The following HECTD4 variants were observed in gnomAD, a reference collection of about 807,000 sequenced individuals.
The protein encoded by HECTD4 is probable E3 ubiquitin-protein ligase HECTD4.
In HECTD4, 114 loss-of-function variants were observed where a neutral mutation model predicts 471.5. The observed-to-expected ratio is 0.24, with a 90% CI of 0.21 to 0.28. HECTD4 has a LOEUF of 0.28. Ranked by LOEUF, HECTD4 falls within the 10% of genes least tolerant of loss-of-function variation. The probability of loss-of-function intolerance (pLI) is 1.00; values close to 1 mark genes in which losing one functional copy is unlikely to be tolerated. For missense variants in HECTD4, 3,866 were observed against 5,651.5 expected (o/e 0.68, Z 10.13); for synonymous variants, 2,012 against 2,256.0 (o/e 0.89, Z 3.07).
intron 7 of HECTD4, among the ~76,000 whole-genome samples, chr12:112,286,054 G>A (rs2034746264): frequency 6.6e-6 from 1 of 152,090 alleles, no homozygotes; most frequent in African/African-American, 2.4e-5. Context: ...CTATATTATT[G>A]TATTTGAGTA....
rs1311283224 is a variant in HECTD4, at chr12:112,162,264, T to C, written c.*123A>G. ...GAGGCCCTGGAATGTGGACGAAAGT[T>C]TGGAAAAGCAAAATGTTGCCAACTC... On this transcript the variant is annotated 3_prime_UTR_variant, in exon 76 of 76. Coordinates refer to ENST00000682272, the MANE Select transcript of HECTD4 (RefSeq NM_001388303.1). This position sits in a 1 kb window ranked among gnomAD's most constrained non-coding sequence, Gnocchi z 5.2. The C allele has an allele frequency of 4.3e-6, 5 of 1,167,940 alleles. No homozygotes were observed. In the East Asian group the frequency reaches 1.2e-4, roughly 28 times the overall value. 72.3% of individuals were successfully genotyped at this position (1,167,940 alleles called of 1,614,324 possible).
Position 112,382,278 on chromosome 12 carries a change from G to A in HECTD4, c.-150C>T. ...CCTCGCCCGTGCAACTCCGCCCTAGGCGGTCCGAGTCGCCATACCCCCGAC... is the reference window on the plus strand; with the variant it reads ...CCTCGCCCGTGCAACTCCGCCCTAGACGGTCCGAGTCGCCATACCCCCGAC... On this transcript the variant is annotated 5_prime_UTR_variant, in exon 1 of 76. Transcript: ENST00000682272. 1.5e-6 allele frequency: 1 copy of A among 663,104 alleles called. No individual in the cohort carries two copies. Among genetic ancestry groups the A allele is most frequent in the Non-Finnish European group, 2.1e-6 (1 of 478,702 alleles). The allele number at this position is 663,104 out of a possible 1,614,324, so 41.1% of individuals were successfully genotyped here.
chr12:112,206,389 G>A (rs1484184307), intron 52 of HECTD4, among the ~76,000 whole-genome samples: 1 of 152,042 alleles, frequency 6.6e-6, no homozygotes, highest in Non-Finnish European at 1.5e-5. Context: ...CAGGTACTCG[G>A]GAAGCTGAAG....
rs1339941379 is a variant in HECTD4 at position 112,223,391 on chromosome 12, C to T, written c.6970+3252G>A. On this transcript the variant is annotated intron_variant, in intron 44 of 75. Transcript: ENST00000682272. ...CCTCTGCTGTTTCAACCAAGGGATC[C>T]AGTTAATGTCTCAGGAATATTTCTT... Among the ~76,000 whole-genome samples the T allele has an allele frequency of 6.6e-5, 10 of 152,208 alleles. No homozygotes were observed. The East Asian group carries it at 1.7e-3, about 26-fold the overall frequency.
At chr12:112,290,641 A>G (rs1460296252) in intron 7 of HECTD4, among the ~76,000 whole-genome samples, 1 of 151,790 alleles carries the variant, frequency 6.6e-6, no homozygotes, top group Non-Finnish European at 1.5e-5. Context: ...TGAGGTCGGA[A>G]GTTTGAGACC....
intron 14 of HECTD4, 54 bp from the exon 15 acceptor site, chr12:112,266,037 G>T: frequency 8.0e-7 from 1 of 1,250,918 alleles, no homozygotes; most frequent in Non-Finnish European, 1.2e-6. Flanking sequence ...CTAGAATACT[G>T]ATGCTATTTT....
chr12:112,352,094 C>T (rs2036255652), intron 1 of HECTD4, among the ~76,000 whole-genome samples: 2 of 152,102 alleles, frequency 1.3e-5, no homozygotes, highest in Admixed American at 1.3e-4. Context: ...TATTAAGAAG[C>T]TTTTGCTTTT....
At chr12:112,323,260 TAG>T (rs2035622027) in intron 1 of HECTD4, among the ~76,000 whole-genome samples, 2 of 152,178 alleles carry the variant, frequency 1.3e-5, no homozygotes, top group Non-Finnish European at 2.9e-5. Context: ...CGAATGCAGA[TAG>T]AGTTAAGAAA....
At chr12:112,342,301 T>A (rs775738052) in intron 1 of HECTD4, among the ~76,000 whole-genome samples, 26 of 151,952 alleles carry the variant, frequency 1.7e-4, no homozygotes, top group Non-Finnish European at 3.2e-4. Flanking sequence ...AACAAAAAAA[T>A]TAAAAATTAG....
intron 66 of HECTD4, among the ~76,000 whole-genome samples, chr12:112,175,169 A>C (rs2137013366): frequency 6.6e-6 from 1 of 152,328 alleles, no homozygotes; most frequent in Admixed American, 6.5e-5. Context: ...CCAGTCCCCG[A>C]ACAGATACGT....
chr12:112,291,686 C>T (rs1027907240), intron 7 of HECTD4, among the ~76,000 whole-genome samples: 1 of 152,122 alleles, frequency 6.6e-6, no homozygotes, highest in African/African-American at 2.4e-5. Context: ...TCCTGGCTAA[C>T]ATGGTGAAAC....
chr12:112,294,812 T>C (rs971067843), intron 7 of HECTD4, among the ~76,000 whole-genome samples: 1 of 152,168 alleles, frequency 6.6e-6, no homozygotes, highest in African/African-American at 2.4e-5. Flanking sequence ...AATTCCTTTT[T>C]TAAAAGTTAA....
chr12:112,353,224 A>C (rs1367396735), intron 1 of HECTD4, among the ~76,000 whole-genome samples: 5 of 152,228 alleles, frequency 3.3e-5, no homozygotes, highest in Non-Finnish European at 7.3e-5. Flanking sequence ...CTGCGTTCCA[A>C]GAATGAGCAC....
chr12:112,270,079 G>A (rs1328840212), intron 12 of HECTD4, 148 bp downstream of exon 12: 2 of 730,606 alleles, frequency 2.7e-6, no homozygotes, highest in Non-Finnish European at 4.5e-6. Context: ...CAATGAATAT[G>A]ATAATTCTAA....
chr12:112,248,448 A>G lies in HECTD4; in HGVS notation c.4015T>C (p.Leu1339=). The G allele has an allele frequency of 1.9e-6, 3 of 1,612,466 alleles. No homozygotes were observed. Among genetic ancestry groups the G allele is most frequent in the Non-Finnish European group, 2.5e-6 (3 of 1,179,106 alleles). Residue 1339 remains leucine, a synonymous_variant, in exon 26 of 76, where the codon TTG becomes CTG. Coordinates refer to ENST00000682272, the MANE Select transcript of HECTD4 (RefSeq NM_001388303.1). ...ATTAGAGACTGCAGTGCATCAACCA[A>G]GTTCAAGTGCTTAATAACACAAGAT... ...VVSCVIKHLN[L]VDALQSLINF... is the part of the protein sequence containing the mutation.
At chr12:112,295,148 A>AAAAGAG (rs1555255996) in intron 7 of HECTD4, among the ~76,000 whole-genome samples, 1 of 150,068 alleles carries the variant, frequency 6.7e-6, no homozygotes, top group African/African-American at 2.5e-5. Flanking sequence ...GAAAAAAAAA[A>AAAAGAG]AGAGAGAGAA....
Position 112,178,954 on chromosome 12 carries a change from G to A in HECTD4, c.11340C>T (p.Asp3780=), listed in dbSNP as rs374333909. 595 of 1,612,628 alleles carry A rather than the reference G, an allele frequency of 3.7e-4. No individual in the cohort carries two copies. The highest frequency in any genetic ancestry group is 4.6e-4 in the Non-Finnish European group (547 of 1,179,686). The change falls in exon 64 of 76, where the codon GAC becomes GAT. Residue 3780 remains aspartate, a synonymous_variant. Transcript: ENST00000682272. The stretch of plus-strand genomic sequence containing the variant: ...ACCTGACGCTGTTGAGCACAGCCTT[G>A]TCCTTGGCGGGCGGCTTGGTGATAG... ...KRPITKPPAK[D]KAVLNSVSRT...
intron 34 of HECTD4, among the ~76,000 whole-genome samples, chr12:112,237,315 T>C (rs182555073): frequency 5.1e-4 from 78 of 152,338 alleles, no homozygotes; most frequent in Non-Finnish European, 8.5e-4. Flanking sequence ...TAATGAAAAT[T>C]GAATATGATT....
chr12:112,198,820 T>C (rs2032327119), intron 55 of HECTD4, among the ~76,000 whole-genome samples: 1 of 152,186 alleles, frequency 6.6e-6, no homozygotes, highest in Non-Finnish European at 1.5e-5. Context: ...AGTCAGTTCT[T>C]CTGAAAACCT....
Sources: gnomAD v4.1 joint callset for allele counts (sites outside exome capture counted in the v4.1 genomes callset) on GRCh38, gnomAD v4.1.1 for gene constraint, Gnocchi (gnomAD v3.1) non-coding constraint, MANE v1.5 for transcripts, NCBI Gene and HGNC (gene_info 2026-07-23, HGNC 2026-07-21) for gene names.